Variants in GALNT9 observed in about 807,000 individuals in gnomAD.
The protein encoded by GALNT9 is polypeptide N-acetylgalactosaminyltransferase 9.
Under a neutral mutation model 63.1 loss-of-function variants are expected in GALNT9, and 47 were observed. The observed-to-expected ratio is 0.75, with a 90% CI of 0.59 to 0.95. The LOEUF is 0.95. Ranked by LOEUF, GALNT9 falls within the 40% of genes least tolerant of loss-of-function variation. GALNT9 has a pLI of 0.00. For synonymous variants in GALNT9, 396 were observed against 365.7 expected (o/e 1.08, Z -0.94); for missense variants, 829 against 874.8 (o/e 0.95, Z 0.66).
intron 6 of GALNT9, among the ~76,000 whole-genome samples, chr12:132,208,247 A>T (rs970478280): frequency 8.4e-6 from 1 of 118,664 alleles, no homozygotes; most frequent in African/African-American, 2.8e-5. Flanking sequence ...AGCCAGAGGC[A>T]CTTGGCCCCC....
At chr12:132,240,475 C>A (rs2136898284) in intron 6 of GALNT9, 2 of 384,374 alleles carry the variant, frequency 5.2e-6, no homozygotes, top group South Asian at 1.9e-5. Context: ...CAAGAATAGC[C>A]GTGCCCAGCT....
At chr12:132,228,637 C>T (rs1877790272) in intron 6 of GALNT9, among the ~76,000 whole-genome samples, 1 of 152,124 alleles carries the variant, frequency 6.6e-6, no homozygotes, top group Non-Finnish European at 1.5e-5. Context: ...TCACACAGCC[C>T]CCCAGCGGAG....
chr12:132,241,358 G>T (rs2136901303), intron 6 of GALNT9, among the ~76,000 whole-genome samples: 2 of 30,542 alleles, frequency 6.5e-5, no homozygotes, highest in Non-Finnish European at 1.2e-4. Context: ...CCCCCTTCCC[G>T]GGGCCCTCCC....
intron 8 of GALNT9, chr12:132,200,800 A>G (rs1876005433): frequency 2.8e-6 from 1 of 358,238 alleles, no homozygotes; most frequent in Non-Finnish European, 5.2e-6. Context: ...GTGAACACGC[A>G]TGGATGTGAC....
At chr12:132,304,765 A>G (rs1881504289) in intron 1 of GALNT9, among the ~76,000 whole-genome samples, 4 of 61,406 alleles carry the variant, frequency 6.5e-5, no homozygotes, top group Admixed American at 1.8e-4. Context: ...GCCCGGGCAC[A>G]CCCTCACCCG....
chr12:132,302,119 G>A (rs1327442126), intron 1 of GALNT9, among the ~76,000 whole-genome samples: 1 of 152,092 alleles, frequency 6.6e-6, no homozygotes, highest in Non-Finnish European at 1.5e-5. Flanking sequence ...TTTTCCAGAA[G>A]GTTTAGATTA....
chr12:132,260,793 G>A (rs1879345607), intron 4 of GALNT9, among the ~76,000 whole-genome samples, 155 bp downstream of exon 4: 1 of 152,258 alleles, frequency 6.6e-6, no homozygotes, highest in South Asian at 2.1e-4. Flanking sequence ...GGTGGACTCA[G>A]TGGTGGCTCT....
chr12:132,260,304 G>A (rs1328363512), intron 4 of GALNT9, among the ~76,000 whole-genome samples: 15 of 151,974 alleles, frequency 9.9e-5, no homozygotes, highest in South Asian at 6.2e-4. Flanking sequence ...CTTGGAGTCG[G>A]GCCCTGCCCA....
chr12:132,225,964 CCA>C (rs1159658319), intron 6 of GALNT9, among the ~76,000 whole-genome samples: 5 of 147,158 alleles, frequency 3.4e-5, no homozygotes, highest in Admixed American at 6.7e-5. Context: ...TATGCACACC[CCA>C]CACACTGTAC....
At chr12:132,309,864 G>A (rs1194530501) in intron 1 of GALNT9, among the ~76,000 whole-genome samples, 13 of 152,240 alleles carry the variant, frequency 8.5e-5, no homozygotes, top group Non-Finnish European at 1.8e-4. Flanking sequence ...CCCAGCAGAC[G>A]CCCGGGCCAC....
At chr12:132,269,794 G>A (rs992146587) in intron 2 of GALNT9, among the ~76,000 whole-genome samples, 2 of 152,228 alleles carry the variant, frequency 1.3e-5, no homozygotes, top group South Asian at 2.1e-4. Context: ...TGTCCTGGCC[G>A]CTCACTTTCC....
chr12:132,303,699 A>G (rs868981730), intron 1 of GALNT9, among the ~76,000 whole-genome samples: 2 of 44,014 alleles, frequency 4.5e-5, no homozygotes, highest in Admixed American at 2.5e-4. Flanking sequence ...GCACACCCTC[A>G]CCGGGGCACA....
Position 132,245,396 on chromosome 12 carries a change from C to T in GALNT9, c.1077+2514G>A, listed in dbSNP as rs544101030. On this transcript the variant is annotated intron_variant, in intron 6 of 10. Coordinates refer to ENST00000328957, the MANE Select transcript of GALNT9 (RefSeq NM_001122636.2). This position sits in a 1 kb window ranked among gnomAD's most constrained non-coding sequence, Gnocchi z 6.3. ...GGTGGAGGTTGCAGTGAGCAGAGATCGTGCCACTGCACTCCAGCCTGGGCA... is the reference window on the plus strand; with the variant it reads ...GGTGGAGGTTGCAGTGAGCAGAGATTGTGCCACTGCACTCCAGCCTGGGCA... 2.4e-4 allele frequency among the ~76,000 whole-genome samples: 37 copies of T among 152,190 alleles called. No homozygotes were observed. Among genetic ancestry groups the T allele is most frequent in the African/African-American group, 6.3e-4 (26 of 41,494 alleles).
In GALNT9 at chr12:132,282,243, G is replaced by A. The variant is rs1555241735; in HGVS notation, c.419+4007C>T. Among the ~76,000 whole-genome samples, 5 of 150,484 alleles carry A rather than the reference G, an allele frequency of 3.3e-5. No homozygotes were observed. The highest frequency in any genetic ancestry group is 1.2e-4 in the African/African-American group (5 of 40,384). On this transcript the variant is annotated intron_variant, in intron 2 of 10. Transcript: ENST00000328957. The surrounding 1 kb of genome is among the most constrained non-coding windows in gnomAD (Gnocchi z 4.5). The stretch of plus-strand genomic sequence containing the variant: ...CCACTGCAGCAAGGCCAGGCCTGGG[G>A]TCCCACATCCCACAGAGGGGGAATC...
chr12:132,247,743 CCA>C (rs1565998973), intron 6 of GALNT9, 165 bp downstream of exon 6: 1 of 1,148,414 alleles, frequency 8.7e-7, no homozygotes, highest in East Asian at 3.0e-5. Flanking sequence ...CACCCCGTCC[CCA>C]GATGCCGTGG....
At chr12:132,258,697 A>G (rs2135542419) in intron 4 of GALNT9, among the ~76,000 whole-genome samples, 1 of 152,330 alleles carries the variant, frequency 6.6e-6, no homozygotes, top group Admixed American at 6.5e-5. Flanking sequence ...CGAGGAGGGC[A>G]GAGAGGAAGG....
chr12:132,237,891 C>T (rs1021008448), intron 6 of GALNT9, among the ~76,000 whole-genome samples: 9 of 152,150 alleles, frequency 5.9e-5, no homozygotes, highest in African/African-American at 2.2e-4. Context: ...TGACCCAAAA[C>T]CTCTGCATGA....
chr12:132,318,058 T>C (rs1555245842), intron 1 of GALNT9, among the ~76,000 whole-genome samples: 1 of 152,106 alleles, frequency 6.6e-6, no homozygotes, highest in African/African-American at 2.4e-5. Context: ...CTGGGCAACA[T>C]GGTGAAACCC....
intron 1 of GALNT9, among the ~76,000 whole-genome samples, chr12:132,305,667 G>GCCTGGACACACCCTCA (rs1566020159): frequency 6.8e-6 from 1 of 148,022 alleles, no homozygotes; most frequent in African/African-American, 2.6e-5. Context: ...GCACAGCCTC[G>GCCTGGACACACCCTCA]CCTGGACACA....
Sources: allele counts gnomAD v4.1 joint callset (sites outside exome capture counted in the v4.1 genomes callset), GRCh38; gene constraint gnomAD v4.1.1; non-coding constraint Gnocchi (gnomAD v3.1); transcripts MANE v1.5; gene names NCBI Gene and HGNC (gene_info 2026-07-23, HGNC 2026-07-21).